The following LRCH2 variants were observed in gnomAD, a reference collection of about 807,000 sequenced individuals.
LRCH2 encodes the protein leucine-rich repeat and calponin homology domain-containing protein 2.
Under a neutral mutation model 68.9 loss-of-function variants are expected in LRCH2, and 38 were observed. The ratio of observed to expected loss-of-function variants is 0.55; its 90% confidence interval spans 0.43 to 0.72. The LOEUF (loss-of-function observed/expected upper bound fraction) is 0.72. Among genes scored for constraint, LRCH2 ranks in the 30% least tolerant of loss-of-function variants. LRCH2 has a pLI of 0.00. For synonymous variants in LRCH2, 191 were observed against 208.1 expected, an observed-to-expected ratio of 0.92 and a Z score of 0.71; for missense variants, 528 against 572.9, an observed-to-expected ratio of 0.92 and a Z score of 0.80.
chrX:115,149,715 C>T (rs1160131783), intron 14 of LRCH2, 112 bp downstream of exon 14: 1 of 439,432 alleles, frequency 2.3e-6, no homozygotes, highest in African/African-American at 2.5e-5. Context: ...CAAAATAACA[C>T]ATTTACTACA....
chrX:115,232,688 A>G (rs1376261130), intron 1 of LRCH2, among the ~76,000 whole-genome samples: 2 of 112,267 alleles, frequency 1.8e-5, no homozygotes, highest in Non-Finnish European at 3.8e-5. Flanking sequence ...AAATGACGAC[A>G]TCTATTAAAA....
At chrX:115,189,364 G>C in intron 1 of LRCH2, 2 of 1,061,551 alleles carry the variant, frequency 1.9e-6, no homozygotes, top group Non-Finnish European at 2.5e-6. Flanking sequence ...CGCCCTCCAC[G>C]AGAGCGCTCG....
At chrX:115,170,461 T>A in intron 5 of LRCH2, 29 bp from the exon 6 acceptor site, 2 of 1,019,305 alleles carry the variant, frequency 2.0e-6, no homozygotes, top group East Asian at 7.1e-5. Flanking sequence ...GATTTAATTA[T>A]ATAGTTCCAA....
chrX:115,189,908 A>T, intron 1 of LRCH2: 1 of 1,160,215 alleles, frequency 8.6e-7, no homozygotes, highest in Non-Finnish European at 1.2e-6. Flanking sequence ...CCACCGCGGC[A>T]CTGGGCCAGC....
intron 1 of LRCH2, among the ~76,000 whole-genome samples, chrX:115,204,318 T>C (rs1353289643): frequency 8.8e-6 from 1 of 113,406 alleles, no homozygotes; most frequent in Non-Finnish European, 1.9e-5. Context: ...ATCTCTGAAA[T>C]GCCCTGAAGA....
chrX:115,147,111 T>C (rs782425530), intron 14 of LRCH2, among the ~76,000 whole-genome samples: 8 of 111,501 alleles, frequency 7.2e-5, no homozygotes, highest in African/African-American at 1.9e-4. Flanking sequence ...AGAGCCACCA[T>C]TGAACAAACT....
intron 11 of LRCH2, among the ~76,000 whole-genome samples, chrX:115,161,118 C>T (rs782468719): frequency 1.3e-3 from 117 of 92,634 alleles, no homozygotes; most frequent in African/African-American, 3.5e-3. Flanking sequence ...TTTGGAAGGC[C>T]GAGGCGGGTG....
At chrX:115,233,081 G>C (rs942420885) in intron 1 of LRCH2, among the ~76,000 whole-genome samples, 15 of 111,947 alleles carry the variant, frequency 1.3e-4, no homozygotes, top group Non-Finnish European at 2.8e-4. Flanking sequence ...GTAAGTGATT[G>C]ATGATTTAAT....
At chrX:115,189,677 T>C (rs935115913) in intron 1 of LRCH2, 2 of 1,168,198 alleles carry the variant, frequency 1.7e-6, no homozygotes, top group Non-Finnish European at 2.3e-6. Flanking sequence ...GGTAAGGCCA[T>C]CATGGTGGCC....
At chrX:115,124,924 T>C (rs970234849) in intron 16 of LRCH2, among the ~76,000 whole-genome samples, 6 of 111,709 alleles carry the variant, frequency 5.4e-5, no homozygotes, top group Non-Finnish European at 9.4e-5. Flanking sequence ...ATGAAATTAA[T>C]GTAATCAGAA....
chrX:115,211,941 C>G (rs1388170861), intron 1 of LRCH2, among the ~76,000 whole-genome samples: 2 of 112,077 alleles, frequency 1.8e-5, no homozygotes, highest in African/African-American at 6.5e-5. Flanking sequence ...AAGAGATGGG[C>G]TCTTATTACT....
At chrX:115,134,975 A>G (rs1223868267) in intron 14 of LRCH2, among the ~76,000 whole-genome samples, 11 of 111,535 alleles carry the variant, frequency 9.9e-5, no homozygotes, top group Non-Finnish European at 1.9e-4. Flanking sequence ...CAAAATGTCA[A>G]CATTAACGAG....
chrX:115,167,207 A>AC (rs1336566082), intron 6 of LRCH2, among the ~76,000 whole-genome samples: 3 of 102,189 alleles, frequency 2.9e-5, no homozygotes, highest in African/African-American at 1.0e-4. Flanking sequence ...AAAAAAAAAA[A>AC]AAAAAAAAAA....
Position 115,165,852 on chromosome X carries a change from T to C in LRCH2, c.1187A>G (p.Asp396Gly). 1.7e-6 allele frequency: 2 copies of C among 1,146,345 alleles called. No individual in the cohort carries two copies. Among genetic ancestry groups the C allele is most frequent in the Non-Finnish European group, 2.3e-6 (2 of 856,257 alleles). The allele number at this position is 1,146,345 out of a possible 1,213,427, so 94.5% of individuals were successfully genotyped here. The change falls in exon 8 of 21, where the codon GAT becomes GGT. Residue 396 changes from aspartate to glycine, a missense_variant. Asp to Gly is a moderately conservative substitution (Grantham distance 94). Transcript: ENST00000317135. ...NDSHIIGSKT[D>G]SQKDQEVYDF... Reference sequence around the variant, plus strand: ...ACCATATGAATTACCTTTCTGAGAATCAGTCTTACTTCCTATTATGTGACT... The same window carrying C: ...ACCATATGAATTACCTTTCTGAGAACCAGTCTTACTTCCTATTATGTGACT...
chrX:115,123,200 A>G lies in LRCH2; in HGVS notation c.1850-8T>C. ...GAGATGAGCGGCTAAAAGCTATAAA[A>G]ACAGAAATTTCCTAACTTGTTACAA... On this transcript the variant is annotated splice_region_variant and splice_polypyrimidine_tract_variant and intron_variant, in intron 17 of 20. Coordinates refer to ENST00000317135, the MANE Select transcript of LRCH2 (RefSeq NM_020871.4). 1 of 1,187,433 alleles carries G rather than the reference A, an allele frequency of 8.4e-7. No homozygotes were observed. The highest frequency in any genetic ancestry group is 1.1e-6 in the Non-Finnish European group (1 of 877,841).
chrX:115,146,904 CAT>C (rs782561565), intron 14 of LRCH2, among the ~76,000 whole-genome samples: 856 of 61,286 alleles, frequency 0.014, 14 homozygotes, highest in African/African-American at 0.057. Context: ...TTCTTACATA[CAT>C]ACACACACAC....
intron 10 of LRCH2, 93 bp from the exon 11 acceptor site, chrX:115,163,876 AC>A: frequency 1.8e-6 from 1 of 561,096 alleles, no homozygotes; most frequent in Non-Finnish European, 2.8e-6. Context: ...TGTTTTTAAC[AC>A]CATATGAAAG....
At chrX:115,128,105 G>A (rs943112091) in intron 15 of LRCH2, among the ~76,000 whole-genome samples, 1 of 112,018 alleles carries the variant, frequency 8.9e-6, no homozygotes. Flanking sequence ...GGCCTCTGCC[G>A]GAGCAGAAAC....
At chrX:115,213,328 T>G (rs1432792597) in intron 1 of LRCH2, among the ~76,000 whole-genome samples, 1 of 111,402 alleles carries the variant, frequency 9.0e-6, no homozygotes, top group Non-Finnish European at 1.9e-5. Flanking sequence ...TATTCAAATA[T>G]CTTAATATCA....
Sources: gnomAD v4.1 joint callset for allele counts (sites outside exome capture counted in the v4.1 genomes callset) on GRCh38, gnomAD v4.1.1 for gene constraint, MANE v1.5 for transcripts, NCBI Gene and HGNC (gene_info 2026-07-23, HGNC 2026-07-21) for gene names.